CHN1: variants seen among roughly 807,000 people sequenced by gnomAD.
CHN1 encodes the protein N-chimaerin.
Under a neutral mutation model 59.5 loss-of-function variants are expected in CHN1, and 37 were observed. That is an observed-to-expected ratio of 0.62 (90% CI 0.48 to 0.82). The LOEUF (loss-of-function observed/expected upper bound fraction) is 0.82. Among genes scored for constraint, CHN1 ranks in the 40% least tolerant of loss-of-function variants. CHN1 has a pLI of 0.00. For synonymous variants in CHN1, 206 were observed against 200.4 expected (o/e 1.03, Z -0.24); for missense variants, 469 against 571.0 (o/e 0.82, Z 1.82).
intron 5 of CHN1, among the ~76,000 whole-genome samples, chr2:174,903,837 AAAGTT>A (rs776576207): frequency 9.2e-4 from 140 of 152,290 alleles, no homozygotes; most frequent in Non-Finnish European, 1.5e-3. Context: ...ACGGGGGTGG[AAAGTT>A]AACCCTTGAG....
At chr2:174,846,225 G>C (rs1156549819) in intron 7 of CHN1, 1 of 1,462,636 alleles carries the variant, frequency 6.8e-7, no homozygotes, top group African/African-American at 1.4e-5. Context: ...CATACAGCTT[G>C]AATCAACACA....
At chr2:174,916,156 G>C (rs1457253031) in intron 4 of CHN1, among the ~76,000 whole-genome samples, 1 of 152,168 alleles carries the variant, frequency 6.6e-6, no homozygotes, top group Non-Finnish European at 1.5e-5. Context: ...TTACGGAGGA[G>C]AGAAGACTAA....
chr2:174,864,489 C>T (rs1323336058), intron 6 of CHN1, among the ~76,000 whole-genome samples: 2 of 152,022 alleles, frequency 1.3e-5, no homozygotes, highest in Non-Finnish European at 2.9e-5. Context: ...CATTAATATG[C>T]AAATAAATTA....
chr2:174,974,355 G>A (rs1436211041), intron 1 of CHN1, among the ~76,000 whole-genome samples: 2 of 152,164 alleles, frequency 1.3e-5, no homozygotes, highest in Non-Finnish European at 2.9e-5. Flanking sequence ...TGGAATGCCC[G>A]CAAGGATGCT....
chr2:174,831,461 A>G (rs1050542671), intron 7 of CHN1, among the ~76,000 whole-genome samples: 1 of 152,160 alleles, frequency 6.6e-6, no homozygotes, highest in Non-Finnish European at 1.5e-5. Context: ...GTGGCCCCTT[A>G]CACAGAACCA....
chr2:174,994,659 G>C (rs1382998696), intron 1 of CHN1, among the ~76,000 whole-genome samples: 1 of 152,230 alleles, frequency 6.6e-6, no homozygotes, highest in Admixed American at 6.5e-5. Flanking sequence ...CCAGGTAGAA[G>C]AGACGATTAT....
rs529850121 is a variant in CHN1 at position 174,820,919 on chromosome 2, A to T, written c.712+3515T>A. Among the ~76,000 whole-genome samples, 59 of 152,220 alleles carry T rather than the reference A, an allele frequency of 3.9e-4. No homozygotes were observed. The South Asian group carries it at 0.012, about 30-fold the overall frequency. On this transcript the variant is annotated intron_variant, in intron 8 of 12. Transcript: ENST00000409900. ...TTTAAACATTTAAACATTCCTGACAAGCTCTCTTTTGCCTCGGTGGATTTT... is the reference window on the plus strand; with the variant it reads ...TTTAAACATTTAAACATTCCTGACATGCTCTCTTTTGCCTCGGTGGATTTT...
At chr2:174,860,132 TAAAAAC>T (rs1687024380) in intron 6 of CHN1, among the ~76,000 whole-genome samples, 1 of 152,106 alleles carries the variant, frequency 6.6e-6, no homozygotes, top group Non-Finnish European at 1.5e-5. Flanking sequence ...GATCTTTAAA[TAAAAAC>T]AAATCAATAA....
At chr2:174,913,247 A>G (rs1688750460) in intron 5 of CHN1, among the ~76,000 whole-genome samples, 1 of 152,190 alleles carries the variant, frequency 6.6e-6, no homozygotes, top group African/African-American at 2.4e-5. Context: ...GGAGAAATGC[A>G]GGGGAAATGG....
At chr2:174,972,113 T>C (rs1001501140) in intron 1 of CHN1, among the ~76,000 whole-genome samples, 4 of 152,148 alleles carry the variant, frequency 2.6e-5, no homozygotes, top group Non-Finnish European at 2.9e-5. Context: ...TGGTATCCCT[T>C]ATGGTCAGGT....
At position 174,915,233 on chromosome 2, in the gene CHN1, A is replaced by G. The variant is rs375407890; in HGVS notation, c.147-62T>C. The G allele has an allele frequency of 3.0e-5, 36 of 1,199,592 alleles. No individual in the cohort carries two copies. In the African/African-American group the frequency reaches 4.1e-4, roughly 14 times the overall value. 74.3% of individuals were successfully genotyped at this position (1,199,592 alleles called of 1,614,324 possible). A position where few individuals can be genotyped will look rare whatever the true frequency, so the allele number is the denominator to read the frequency against. ...ACATTTTTCAATAAAACAAGATAAA[A>G]CAACGTCCCACCACCACCACCTTCT... On this transcript the variant is annotated intron_variant, in intron 4 of 12. Transcript: ENST00000409900.
At chr2:174,826,753 T>C (rs1685693901) in intron 7 of CHN1, among the ~76,000 whole-genome samples, 1 of 152,224 alleles carries the variant, frequency 6.6e-6, no homozygotes, top group Admixed American at 6.5e-5. Context: ...AAGCCTGGGA[T>C]ATTTCTTTAT....
chr2:174,943,262 T>C (rs111840238), intron 3 of CHN1, among the ~76,000 whole-genome samples: 7,113 of 152,032 alleles, frequency 0.047, 239 homozygotes, highest in South Asian at 0.12. Context: ...AGTCTTGTTC[T>C]GTTGCCCAGG....
intron 5 of CHN1, among the ~76,000 whole-genome samples, chr2:174,894,778 C>T (rs1025160678): frequency 6.6e-6 from 1 of 152,030 alleles, no homozygotes; most frequent in African/African-American, 2.4e-5. Context: ...CCACCTCATA[C>T]ATGGTTTCGT....
intron 1 of CHN1, among the ~76,000 whole-genome samples, chr2:174,994,619 T>C (rs1185251088): frequency 6.6e-6 from 1 of 152,202 alleles, no homozygotes; most frequent in Non-Finnish European, 1.5e-5. Context: ...GCACTCTGGA[T>C]GCAGAAAAGG....
intron 3 of CHN1, among the ~76,000 whole-genome samples, chr2:174,920,700 C>G (rs1688990257): frequency 6.6e-6 from 1 of 152,188 alleles, no homozygotes; most frequent in Non-Finnish European, 1.5e-5. Context: ...TATGCATCAT[C>G]TATAGCGGTG....
chr2:174,854,977 T>C (rs1686856272), intron 6 of CHN1, among the ~76,000 whole-genome samples: 1 of 152,138 alleles, frequency 6.6e-6, no homozygotes, highest in Non-Finnish European at 1.5e-5. Context: ...TAAAAGAACA[T>C]CCATGCTCAT....
intron 4 of CHN1, among the ~76,000 whole-genome samples, chr2:174,916,734 T>C (rs904940413): frequency 1.3e-5 from 2 of 152,172 alleles, no homozygotes; most frequent in African/African-American, 4.8e-5. Context: ...CTCCATAAAT[T>C]TCCCAGTCTT....
rs546503890 is a variant in CHN1, at chr2:174,979,817, G to A, written c.19+25077C>T. ...AATTGCTTGAACCCGGGAGGTAGAG[G>A]TTGCAGTGAGGTGAGATCACACCAC... On this transcript the variant is annotated intron_variant, in intron 1 of 12. Transcript: ENST00000409900. Among the ~76,000 whole-genome samples the A allele has an allele frequency of 3.3e-5, 5 of 152,144 alleles. No individual in the cohort carries two copies. The South Asian group carries it at 1.0e-3, about 32-fold the overall frequency.
Sources: allele counts gnomAD v4.1 joint callset (sites outside exome capture counted in the v4.1 genomes callset), GRCh38; gene constraint gnomAD v4.1.1; transcripts MANE v1.5; gene names NCBI Gene and HGNC (gene_info 2026-07-23, HGNC 2026-07-21).